The following ASTN2 variants were observed in gnomAD, a reference collection of about 807,000 sequenced individuals.
The protein encoded by ASTN2 is astrotactin-2.
In ASTN2, 54 loss-of-function variants were observed where a neutral mutation model predicts 139.8. The observed-to-expected ratio is 0.39, with a 90% CI of 0.31 to 0.48. ASTN2 has a LOEUF of 0.48. Among genes scored for constraint, ASTN2 ranks in the 20% least tolerant of loss-of-function variants. The pLI, the probability that ASTN2 is intolerant of heterozygous loss-of-function variation, is 0.95. For synonymous variants in ASTN2, 756 were observed against 719.5 expected (o/e 1.05, Z -0.81); for missense variants, 1,565 against 1,725.1 (o/e 0.91, Z 1.64).
At chr9:117,190,462 C>A (rs564546304) in intron 3 of ASTN2, among the ~76,000 whole-genome samples, 42 of 152,162 alleles carry the variant, frequency 2.8e-4, no homozygotes, top group Non-Finnish European at 5.6e-4. Flanking sequence ...TAACTGTTTA[C>A]CACCTTTGCA....
At chr9:116,610,029 A>G (rs1855452974) in intron 19 of ASTN2, among the ~76,000 whole-genome samples, 1 of 152,168 alleles carries the variant, frequency 6.6e-6, no homozygotes, top group Non-Finnish European at 1.5e-5. Context: ...GAAGATAGAA[A>G]AAGAAGAGAA....
At chr9:116,526,728 T>C (rs1851109074) in intron 19 of ASTN2, among the ~76,000 whole-genome samples, 1 of 152,178 alleles carries the variant, frequency 6.6e-6, no homozygotes, top group African/African-American at 2.4e-5. Context: ...CATCATGATT[T>C]TTAGTATGCA....
At chr9:117,015,837 C>T (rs1024309864) in intron 6 of ASTN2, among the ~76,000 whole-genome samples, 4 of 152,042 alleles carry the variant, frequency 2.6e-5, no homozygotes, top group Non-Finnish European at 5.9e-5. Flanking sequence ...CATTATACAA[C>T]AGATTAGAAG....
intron 16 of ASTN2, among the ~76,000 whole-genome samples, chr9:116,722,256 AC>A (rs546581069): frequency 1.2e-3 from 141 of 118,594 alleles, no homozygotes; most frequent in African/African-American, 4.0e-3. Flanking sequence ...TGACGCACAC[AC>A]AAAAAAAAAT....
At chr9:116,610,265 C>T (rs561978732) in intron 19 of ASTN2, among the ~76,000 whole-genome samples, 68 of 152,268 alleles carry the variant, frequency 4.5e-4, no homozygotes, top group Non-Finnish European at 6.9e-4. Context: ...CAACTATATA[C>T]TATCTTCCAG....
intron 4 of ASTN2, among the ~76,000 whole-genome samples, chr9:117,100,377 C>T (rs888230575): frequency 2.0e-5 from 3 of 152,172 alleles, no homozygotes; most frequent in African/African-American, 4.8e-5. Context: ...ACCACATATG[C>T]CATTTTAAAT....
chr9:116,604,667 C>G (rs1248814179), intron 19 of ASTN2, among the ~76,000 whole-genome samples: 2 of 152,210 alleles, frequency 1.3e-5, no homozygotes, highest in African/African-American at 4.8e-5. Context: ...TGCTCCATCA[C>G]AGCCACTGCT....
At chr9:116,606,402 TG>T (rs1279705067) in intron 19 of ASTN2, among the ~76,000 whole-genome samples, 1 of 152,040 alleles carries the variant, frequency 6.6e-6, no homozygotes, top group African/African-American at 2.4e-5. Flanking sequence ...AAAGTGTGTG[TG>T]TATGTGTGTG....
chr9:116,532,630 A>T (rs1344686634), intron 19 of ASTN2, among the ~76,000 whole-genome samples: 6 of 152,130 alleles, frequency 3.9e-5, no homozygotes, highest in African/African-American at 1.4e-4. Context: ...TCCTTTCCCC[A>T]TTTCTTGTTT....
intron 19 of ASTN2, among the ~76,000 whole-genome samples, chr9:116,489,058 AGT>A (rs1200363577): frequency 1.3e-5 from 2 of 152,096 alleles, no homozygotes; most frequent in African/African-American, 4.8e-5. Context: ...CCTGATAGAG[AGT>A]TCCTCAGAGC....
At position 117,368,145 on chromosome 9, in the gene ASTN2, C is replaced by T. The variant is rs561640414; in HGVS notation, c.442+46352G>A. On this transcript the variant is annotated intron_variant, in intron 1 of 22. Transcript: ENST00000313400. ...AACTAAGGATAAGGGATTCAAAAAACTAGTGTAATGTTTATGTAGCAATTC... is the reference window on the plus strand; with the variant it reads ...AACTAAGGATAAGGGATTCAAAAAATTAGTGTAATGTTTATGTAGCAATTC... Among the ~76,000 whole-genome samples the T allele has an allele frequency of 1.1e-4, 17 of 152,230 alleles. No individual in the cohort carries two copies. The East Asian group carries it at 3.3e-3, about 29-fold the overall frequency.
At chr9:116,863,457 G>A (rs902380745) in intron 11 of ASTN2, 126 bp downstream of exon 11, 35 of 1,239,714 alleles carry the variant, frequency 2.8e-5, no homozygotes, top group East Asian at 2.6e-4. Flanking sequence ...ACTGAAGGCC[G>A]CAGAGGCAGA....
At chr9:116,976,518 C>T (rs746109930) in intron 8 of ASTN2, among the ~76,000 whole-genome samples, 183 bp downstream of exon 8, 54 of 152,282 alleles carry the variant, frequency 3.5e-4, no homozygotes, top group Middle Eastern at 6.8e-3. Flanking sequence ...AATCATGTAC[C>T]TTTAATACTA....
intron 5 of ASTN2, 52 bp downstream of exon 5, chr9:117,095,992 A>G: frequency 6.5e-7 from 1 of 1,539,410 alleles, no homozygotes; most frequent in Non-Finnish European, 9.0e-7. Flanking sequence ...TCTGATTTCC[A>G]GGATTTCCTT....
intron 4 of ASTN2, among the ~76,000 whole-genome samples, chr9:117,113,725 CAA>C (rs1829307065): frequency 6.6e-6 from 1 of 152,022 alleles, no homozygotes; most frequent in Admixed American, 6.6e-5. Flanking sequence ...GAAGAAATTT[CAA>C]AGTCTTTATG....
At chr9:117,273,706 G>T (rs1847594628) in intron 2 of ASTN2, among the ~76,000 whole-genome samples, 1 of 152,128 alleles carries the variant, frequency 6.6e-6, no homozygotes, top group Admixed American at 6.5e-5. Flanking sequence ...CTTTCACATG[G>T]TGTTAAAGGA....
intron 10 of ASTN2, among the ~76,000 whole-genome samples, chr9:116,883,071 T>C (rs1833492452): frequency 6.6e-6 from 1 of 152,166 alleles, no homozygotes. Flanking sequence ...ATGCAGATGA[T>C]GACATATGCA....
chr9:116,549,981 T>C (rs1449215021), intron 19 of ASTN2, among the ~76,000 whole-genome samples: 1 of 152,194 alleles, frequency 6.6e-6, no homozygotes. Context: ...TCCTACGCAA[T>C]GGAACCCACA....
At chr9:116,691,835 A>G (rs564372991) in intron 16 of ASTN2, among the ~76,000 whole-genome samples, 1 of 152,334 alleles carries the variant, frequency 6.6e-6, no homozygotes, top group African/African-American at 2.4e-5. Context: ...ATTCTGTTAG[A>G]ATGCATGAGG....
Sources: gnomAD v4.1 joint callset for allele counts (sites outside exome capture counted in the v4.1 genomes callset) on GRCh38, gnomAD v4.1.1 for gene constraint, MANE v1.5 for transcripts, NCBI Gene and HGNC (gene_info 2026-07-23, HGNC 2026-07-21) for gene names.